Variants in ARHGEF3 observed in about 807,000 individuals in gnomAD.
ARHGEF3 encodes 59.8 kDA protein.
Under a neutral mutation model 63.2 loss-of-function variants are expected in ARHGEF3, and 28 were observed. The observed-to-expected ratio is 0.44, with a 90% CI of 0.33 to 0.61. The LOEUF (loss-of-function observed/expected upper bound fraction) is 0.61, where lower values mean the gene tolerates loss of function less well. Among genes scored for constraint, ARHGEF3 ranks in the 20% least tolerant of loss-of-function variants. ARHGEF3 has a pLI of 0.03. For synonymous variants in ARHGEF3, 266 were observed against 254.2 expected (o/e 1.05, Z -0.44); for missense variants, 533 against 659.3 (o/e 0.81, Z 2.10).
At chr3:56,894,547 TGGGAGGCCAAGCA>T (rs926694688) in intron 3 of ARHGEF3, among the ~76,000 whole-genome samples, 5 of 152,102 alleles carry the variant, frequency 3.3e-5, no homozygotes, top group Admixed American at 3.3e-4. Flanking sequence ...CTCAGCACTT[TGGGAGGCCAAGCA>T]GGGAGGACTG....
chr3:57,064,040 G>A (rs1705383646), intron 1 of ARHGEF3, among the ~76,000 whole-genome samples: 1 of 152,232 alleles, frequency 6.6e-6, no homozygotes, highest in South Asian at 2.1e-4. Context: ...GCCCAGGGAG[G>A]GGGACTGCCT....
chr3:56,934,142 A>C (rs2042485680), intron 3 of ARHGEF3, among the ~76,000 whole-genome samples: 1 of 152,226 alleles, frequency 6.6e-6, no homozygotes, highest in Admixed American at 6.5e-5. Flanking sequence ...GTGAAAATGG[A>C]CTAATACATG....
At chr3:56,745,706 CT>C (rs2034337985) in intron 6 of ARHGEF3, among the ~76,000 whole-genome samples, 1 of 151,980 alleles carries the variant, frequency 6.6e-6, no homozygotes, top group South Asian at 2.1e-4. Flanking sequence ...GAGTCTCGCT[CT>C]GTCACCCAGG....
At chr3:56,801,151 C>A (rs1424975841) in intron 1 of ARHGEF3, among the ~76,000 whole-genome samples, 1 of 152,244 alleles carries the variant, frequency 6.6e-6, no homozygotes, top group Non-Finnish European at 1.5e-5. Context: ...AGCCCCCCGG[C>A]TGAATGACCC....
At chr3:57,064,474 C>T (rs1560172665) in intron 1 of ARHGEF3, among the ~76,000 whole-genome samples, 1 of 152,034 alleles carries the variant, frequency 6.6e-6, no homozygotes, top group Non-Finnish European at 1.5e-5. Context: ...AGGTGCATGC[C>T]ACCACGCCCA....
intron 1 of ARHGEF3, among the ~76,000 whole-genome samples, chr3:56,779,140 C>A (rs1196125671): frequency 6.6e-6 from 1 of 152,192 alleles, no homozygotes; most frequent in African/African-American, 2.4e-5. Context: ...CAGGGTCCTC[C>A]CCTGATAAAC....
intron 2 of ARHGEF3, among the ~76,000 whole-genome samples, chr3:57,017,026 TCTCTCTCA>T (rs753832083): frequency 8.7e-4 from 98 of 112,188 alleles, no homozygotes; most frequent in Middle Eastern, 4.2e-3. Flanking sequence ...TCTCTCTCTC[TCTCTCTCA>T]CACACACACA....
chr3:57,007,931 G>A (rs1702530821), intron 2 of ARHGEF3, among the ~76,000 whole-genome samples: 1 of 152,194 alleles, frequency 6.6e-6, no homozygotes, highest in Non-Finnish European at 1.5e-5. Context: ...GCAAAGGCAA[G>A]TTTCTCATCA....
chr3:56,845,905 C>T (rs1296202015), intron 4 of ARHGEF3, among the ~76,000 whole-genome samples: 1 of 152,208 alleles, frequency 6.6e-6, no homozygotes, highest in Non-Finnish European at 1.5e-5. Flanking sequence ...AAGACTGCAT[C>T]TCATTCATTT....
chr3:57,052,052 T>C (rs936424245), intron 1 of ARHGEF3, among the ~76,000 whole-genome samples: 1 of 152,198 alleles, frequency 6.6e-6, no homozygotes, highest in Non-Finnish European at 1.5e-5. Flanking sequence ...AAGTGCTTTA[T>C]GGTAATTATC....
chr3:56,918,590 A>G (rs2042043995), intron 3 of ARHGEF3, among the ~76,000 whole-genome samples: 1 of 152,174 alleles, frequency 6.6e-6, no homozygotes, highest in Non-Finnish European at 1.5e-5. Context: ...GCAAAAAGGA[A>G]GCAAAAACAG....
At chr3:57,057,690 T>G (rs1579184466) in intron 1 of ARHGEF3, among the ~76,000 whole-genome samples, 1 of 152,296 alleles carries the variant, frequency 6.6e-6, no homozygotes, top group Middle Eastern at 3.4e-3. Flanking sequence ...GTACCCTCTG[T>G]GCCACACATC....
At chr3:57,032,893 C>A (rs1703791500) in intron 2 of ARHGEF3, among the ~76,000 whole-genome samples, 1 of 152,164 alleles carries the variant, frequency 6.6e-6, no homozygotes, top group East Asian at 1.9e-4. Context: ...TGGGAAGGGC[C>A]AGGCTCCCCA....
chr3:56,997,961 T>C (rs1402411514), intron 2 of ARHGEF3, among the ~76,000 whole-genome samples: 2 of 152,232 alleles, frequency 1.3e-5, no homozygotes, highest in Admixed American at 6.5e-5. Flanking sequence ...CAAGCTCTTC[T>C]GGCCTCTGTT....
chr3:57,011,583 CA>C (rs1702703513), intron 2 of ARHGEF3, among the ~76,000 whole-genome samples: 3 of 152,122 alleles, frequency 2.0e-5, no homozygotes, highest in Admixed American at 2.0e-4. Context: ...CCACCCACAG[CA>C]AAGAATTCTC....
At chr3:56,779,521 C>G (rs2036460686) in intron 1 of ARHGEF3, among the ~76,000 whole-genome samples, 2 of 151,482 alleles carry the variant, frequency 1.3e-5, no homozygotes, top group South Asian at 4.1e-4. Flanking sequence ...GAGACGGAGT[C>G]TCGCTCTGTC....
intron 1 of ARHGEF3, chr3:57,079,082 A>T (rs1706345142): frequency 3.2e-6 from 1 of 314,846 alleles, no homozygotes; most frequent in South Asian, 1.5e-4. Context: ...GTGGGGGTCC[A>T]GCTCGGGGAC....
rs985989589 is a variant in ARHGEF3 at position 56,916,878 on chromosome 3, C to T, written c.130-34524G>A. Among the ~76,000 whole-genome samples the T allele has an allele frequency of 7.0e-4, 107 of 152,156 alleles. 1 individual carries two copies. Among genetic ancestry groups the T allele is most frequent in the Non-Finnish European group, 1.9e-4 (13 of 68,020 alleles). ...CCGGGATACAGAGCCCACACTGAGT[C>T]GCGGTTCAAAAGCAACTACACACCC... On this transcript the variant is annotated intron_variant, in intron 3 of 12. Coordinates refer to the ARHGEF3 transcript ENST00000338458.
At chr3:56,945,028 C>T (rs1188241152) in intron 3 of ARHGEF3, among the ~76,000 whole-genome samples, 1 of 152,178 alleles carries the variant, frequency 6.6e-6, no homozygotes, top group African/African-American at 2.4e-5. Context: ...TTTGGAAGTT[C>T]TCCTATGGGT....
Sources: gnomAD v4.1 joint callset for allele counts (sites outside exome capture counted in the v4.1 genomes callset) on GRCh38, gnomAD v4.1.1 for gene constraint, MANE v1.5 for transcripts, NCBI Gene and HGNC (gene_info 2026-07-23, HGNC 2026-07-21) for gene names.